The following RIN2 variants were observed in gnomAD, a reference collection of about 807,000 sequenced individuals.
The protein encoded by RIN2 is Ras and Rab interactor 2, also known as RAB5 interacting protein 2.
RIN2 carries 36 observed loss-of-function variants against 78.0 expected under a neutral mutation model. The ratio of observed to expected loss-of-function variants is 0.46; its 90% confidence interval spans 0.35 to 0.61. The LOEUF is 0.61. RIN2 is among the 20% of genes least tolerant of loss of function. The pLI is 0.00. For synonymous variants in RIN2, 466 were observed against 466.8 expected (o/e 1.00, Z 0.02); for missense variants, 1,087 against 1,159.7 (o/e 0.94, Z 0.91).
intron 3 of RIN2, among the ~76,000 whole-genome samples, chr20:19,899,034 C>G (rs992779625): frequency 5.3e-5 from 8 of 152,170 alleles, no homozygotes; most frequent in African/African-American, 1.9e-4. Context: ...CACGCCCCAC[C>G]TTTTTAATCT....
At chr20:19,785,443 G>T (rs536700351) in intron 1 of RIN2, among the ~76,000 whole-genome samples, 1 of 152,190 alleles carries the variant, frequency 6.6e-6, no homozygotes, top group Admixed American at 6.5e-5. Flanking sequence ...AATGAGAGTT[G>T]ACTGAACTCC....
intron 3 of RIN2, among the ~76,000 whole-genome samples, chr20:19,905,442 G>C (rs2039177024): frequency 6.6e-6 from 1 of 152,206 alleles, no homozygotes; most frequent in African/African-American, 2.4e-5. Flanking sequence ...TCAAGTTCTG[G>C]CTGGGCGAAG....
chr20:19,912,783 A>G (rs918591043), intron 3 of RIN2, among the ~76,000 whole-genome samples: 4 of 152,134 alleles, frequency 2.6e-5, no homozygotes, highest in African/African-American at 9.7e-5. Context: ...CCACGCCGGG[A>G]TGGTCATTTC....
At chr20:19,934,005 T>C (rs1177424072) in intron 3 of RIN2, among the ~76,000 whole-genome samples, 1 of 152,060 alleles carries the variant, frequency 6.6e-6, no homozygotes, top group East Asian at 1.9e-4. Context: ...AGATGGGGTT[T>C]TACCATGTTG....
chr20:19,797,195 T>C (rs780668579), intron 1 of RIN2, among the ~76,000 whole-genome samples: 1 of 152,210 alleles, frequency 6.6e-6, no homozygotes, highest in Non-Finnish European at 1.5e-5. Flanking sequence ...TTATCACTAG[T>C]GTGAGCCTCT....
intron 2 of RIN2, among the ~76,000 whole-genome samples, chr20:19,802,645 G>A (rs2035281237): frequency 6.6e-6 from 1 of 152,104 alleles, no homozygotes; most frequent in Non-Finnish European, 1.5e-5. Context: ...CCTTTGGGTA[G>A]TCCCTACTTT....
chr20:19,875,042 G>T (rs2037812837), intron 2 of RIN2, among the ~76,000 whole-genome samples: 1 of 151,678 alleles, frequency 6.6e-6, no homozygotes. Flanking sequence ...TGTATTTTTA[G>T]TAGAGCTGGG....
chr20:19,958,640 G>A (rs775581274), intron 5 of RIN2, among the ~76,000 whole-genome samples: 4 of 152,220 alleles, frequency 2.6e-5, no homozygotes, highest in African/African-American at 4.8e-5. Context: ...AGGCCAAGGC[G>A]AGCAGATCAC....
chr20:19,795,701 T>C (rs988019293), intron 1 of RIN2, among the ~76,000 whole-genome samples: 1 of 152,130 alleles, frequency 6.6e-6, no homozygotes, highest in South Asian at 2.1e-4. Flanking sequence ...TAGAGTGCCA[T>C]TGTGTCAAAT....
At chr20:19,890,753 T>G (rs183928090) in intron 3 of RIN2, among the ~76,000 whole-genome samples, 1 of 124,618 alleles carries the variant, frequency 8.0e-6, no homozygotes, top group Non-Finnish European at 1.7e-5. Context: ...TTTACTGAAA[T>G]AAGGAAGAAC....
chr20:19,981,447 C>T (rs922772254), intron 9 of RIN2, among the ~76,000 whole-genome samples: 1 of 152,198 alleles, frequency 6.6e-6, no homozygotes, highest in African/African-American at 2.4e-5. Flanking sequence ...CTTAGCACTG[C>T]CCACACTCAA....
At chr20:19,908,610 G>T (rs1401703689) in intron 3 of RIN2, among the ~76,000 whole-genome samples, 2 of 152,160 alleles carry the variant, frequency 1.3e-5, no homozygotes, top group Non-Finnish European at 2.9e-5. Context: ...GCAGGTTAAT[G>T]AAGATTGAGA....
chr20:19,916,191 G>C (rs1304128443), intron 3 of RIN2, among the ~76,000 whole-genome samples: 2 of 152,206 alleles, frequency 1.3e-5, no homozygotes, highest in Non-Finnish European at 2.9e-5. Context: ...AGTGAGCTGA[G>C]ATAGTGCCAT....
chr20:19,845,349 A>G (rs6046364), intron 2 of RIN2, among the ~76,000 whole-genome samples: 11,769 of 152,216 alleles, frequency 0.077, 478 homozygotes, highest in South Asian at 0.17. Context: ...CACTCCCACC[A>G]ACAGTGTAAA....
intron 2 of RIN2, among the ~76,000 whole-genome samples, chr20:19,822,343 T>C: frequency 6.6e-6 from 1 of 152,128 alleles, no homozygotes; most frequent in South Asian, 2.1e-4. Flanking sequence ...ATAAATGAAG[T>C]TAGTATAGAT....
chr20:19,773,514 T>C (rs578048306), intron 1 of RIN2, among the ~76,000 whole-genome samples: 3 of 152,284 alleles, frequency 2.0e-5, no homozygotes, highest in Admixed American at 6.5e-5. Context: ...TCTGCTGTTG[T>C]TGGGGAGGCC....
At chr20:19,991,100 C>T (rs1277251013) in intron 10 of RIN2, among the ~76,000 whole-genome samples, 2 of 152,098 alleles carry the variant, frequency 1.3e-5, no homozygotes, top group South Asian at 4.1e-4. Flanking sequence ...AGTGAAATTG[C>T]TTAATGGAGA....
chr20:19,923,425 T>TAAAATA (rs1555791775), intron 3 of RIN2, among the ~76,000 whole-genome samples: 1 of 125,298 alleles, frequency 8.0e-6, no homozygotes, highest in African/African-American at 3.3e-5. Context: ...CAAAATAAAA[T>TAAAATA]AAATAAAATA....
chr20:19,891,298 C>G (rs2038448571), intron 3 of RIN2, among the ~76,000 whole-genome samples: 1 of 152,164 alleles, frequency 6.6e-6, no homozygotes, highest in South Asian at 2.1e-4. Context: ...AAGAGCTAAG[C>G]CCACCAGGTT....
Sources: allele counts gnomAD v4.1 joint callset (sites outside exome capture counted in the v4.1 genomes callset), GRCh38; gene constraint gnomAD v4.1.1; transcripts MANE v1.5; gene names NCBI Gene and HGNC (gene_info 2026-07-23, HGNC 2026-07-21).